MOV10L1: variants seen among roughly 807,000 people sequenced by gnomAD.
The protein encoded by MOV10L1 is RNA helicase Mov10l1.
In MOV10L1, 110 loss-of-function variants were observed where a neutral mutation model predicts 143.8. That is an observed-to-expected ratio of 0.76 (90% CI 0.66 to 0.90). The LOEUF is 0.90. MOV10L1 is among the 40% of genes least tolerant of loss of function. The pLI, the probability that MOV10L1 is intolerant of heterozygous loss-of-function variation, is 0.00. For missense variants in MOV10L1, 1,406 were observed against 1,526.8 expected (o/e 0.92, Z 1.32); for synonymous variants, 593 against 581.1 (o/e 1.02, Z -0.29).
At chr22:50,134,887 T>G (rs900541511) in intron 15 of MOV10L1, among the ~76,000 whole-genome samples, 1 of 152,160 alleles carries the variant, frequency 6.6e-6, no homozygotes, top group South Asian at 2.1e-4. Context: ...AAAAATAGAT[T>G]TAGTGTAAAG....
intron 9 of MOV10L1, among the ~76,000 whole-genome samples, chr22:50,118,884 C>T (rs1260753035): frequency 6.6e-6 from 1 of 152,156 alleles, no homozygotes; most frequent in Non-Finnish European, 1.5e-5. Flanking sequence ...TTCTTATCAC[C>T]CATCCTGCAG....
intron 2 of MOV10L1, among the ~76,000 whole-genome samples, chr22:50,098,528 T>G (rs1019750374): frequency 2.6e-5 from 4 of 152,218 alleles, no homozygotes; most frequent in African/African-American, 9.6e-5. Context: ...TTTTTCTTGA[T>G]TTCCTTTTTG....
chr22:50,090,054 G>GCGGCGGTGT lies in MOV10L1; in HGVS notation c.-27_-26insTCGGCGGTG. 1.3e-5 allele frequency: 10 copies of GCGGCGGTGT among 789,082 alleles called. No homozygotes were observed. The highest frequency in any genetic ancestry group is 1.6e-5 in the Non-Finnish European group (10 of 628,740). The allele number at this position is 789,082 out of a possible 1,614,324, so 48.9% of individuals were successfully genotyped here. A position where few individuals can be genotyped will look rare whatever the true frequency, so the allele number is the denominator to read the frequency against. On this transcript the variant is annotated 5_prime_UTR_variant, in exon 1 of 27. Transcript: ENST00000262794. ...GCGCGGGCGCGTGCGGGCGGCGGCA[G>GCGGCGGTGT]CGGCGGTGACGGCAGCCTAGGCCGG...
At chr22:50,121,740 C>T (rs746005533) in intron 10 of MOV10L1, among the ~76,000 whole-genome samples, 9 of 152,176 alleles carry the variant, frequency 5.9e-5, no homozygotes, top group Admixed American at 6.5e-5. Flanking sequence ...CAGCTCCTCC[C>T]TGGGGACCCA....
rs1228731579 is a variant in MOV10L1, at chr22:50,108,729, A to C, written c.628A>C (p.Lys210Gln). 2.5e-6 allele frequency: 4 copies of C among 1,614,230 alleles called. No homozygotes were observed. In the East Asian group the frequency reaches 8.9e-5, roughly 36 times the overall value. The change falls in exon 5 of 27, where the codon AAA (lysine) becomes CAA (glutamine). Residue 210 changes from lysine (K) to glutamine (Q), a missense_variant. Coordinates refer to ENST00000262794, the MANE Select transcript of MOV10L1 (RefSeq NM_018995.3). Reference sequence around the variant, plus strand: ...CATCTTCTTTACCTTGGACTCCTTGAAACTGCCAGATGGGTACACACCCCG... The same window carrying C: ...CATCTTCTTTACCTTGGACTCCTTGCAACTGCCAGATGGGTACACACCCCG... Reference protein sequence around the residue: ...ESIFFTLDSLKLPDGYTPRRG... With the variant: ...ESIFFTLDSLQLPDGYTPRRG...
Position 50,158,044 on chromosome 22 carries a change from C to T in MOV10L1, c.3067-13C>T, listed in dbSNP as rs781058560. 1.8e-5 allele frequency: 29 copies of T among 1,606,922 alleles called. No individual in the cohort carries two copies. The highest frequency in any genetic ancestry group is 2.5e-5 in the Non-Finnish European group (29 of 1,175,728). On this transcript the variant is annotated splice_polypyrimidine_tract_variant and intron_variant, in intron 22 of 26. Transcript: ENST00000262794. The surrounding 1 kb of genome is among the most constrained non-coding windows in gnomAD (Gnocchi z 5.0). ...CATGAAGTAAAGTAGGTTTTCTCTC[C>T]TCATCAACCCAGGGCAGCGAGGCAC...
intron 19 of MOV10L1, among the ~76,000 whole-genome samples, chr22:50,148,158 C>T (rs1002684239): frequency 2.0e-5 from 3 of 152,216 alleles, no homozygotes; most frequent in South Asian, 2.1e-4. Flanking sequence ...GCCCAAGGTG[C>T]GTCCTGTTGA....
chr22:50,143,442 T>A (rs1602314562), intron 17 of MOV10L1: 6 of 556,476 alleles, frequency 1.1e-5, no homozygotes, highest in African/African-American at 5.7e-5. Flanking sequence ...CCTGGTAAAC[T>A]ATTTTATCTG....
At chr22:50,140,615 G>C (rs1416732927) in intron 15 of MOV10L1, among the ~76,000 whole-genome samples, 1 of 152,182 alleles carries the variant, frequency 6.6e-6, no homozygotes, top group East Asian at 1.9e-4. Flanking sequence ...TTACGAGTTT[G>C]TGTTGGGTTG....
chr22:50,160,951 T>C lies in MOV10L1; in HGVS notation c.3463-13T>C, dbSNP rs370783464. ...ACTTGCTCTCACACCAGGCTAATTG[T>C]TATTGCCAACAGGACCCCTGTTTTG... On this transcript the variant is annotated splice_polypyrimidine_tract_variant and intron_variant, in intron 25 of 26. Transcript: ENST00000262794. 1.9e-6 allele frequency: 3 copies of C among 1,613,962 alleles called. No homozygotes were observed. In the African/African-American group the frequency reaches 4.0e-5, roughly 22 times the overall value.
At chr22:50,144,651 G>T (rs887102171) in intron 18 of MOV10L1, among the ~76,000 whole-genome samples, 3 of 151,450 alleles carry the variant, frequency 2.0e-5, no homozygotes, top group Non-Finnish European at 2.9e-5. Flanking sequence ...GCATGATCTC[G>T]GCTCACTGCA....
chr22:50,117,891 CTTCACATCCACG>C (rs970920068), intron 9 of MOV10L1, among the ~76,000 whole-genome samples: 14 of 152,278 alleles, frequency 9.2e-5, no homozygotes, highest in Admixed American at 9.1e-4. Flanking sequence ...CAGGAAAGCA[CTTCACATCCACG>C]TGTTCTCTTC....
intron 15 of MOV10L1, among the ~76,000 whole-genome samples, chr22:50,137,822 T>C (rs934120296): frequency 1.0e-5 from 1 of 100,162 alleles, no homozygotes; most frequent in Non-Finnish European, 2.2e-5. Context: ...CATATATAAA[T>C]ATACATATTT....
At position 50,099,472 on chromosome 22, in the gene MOV10L1, C is replaced by G; in HGVS notation, c.312C>G (p.Asp104Glu). The G allele has an allele frequency of 6.2e-7, 1 of 1,614,028 alleles. No individual in the cohort carries two copies. ...AAGCTGTCTCTGATAAGTGGGAAGA[C>G]GACAGCAGAAACCATGGGAGTCCCT... ...RVEAVSDKWE[D>E]DSRNHGSPSD... The change falls in exon 3 of 27, where the codon GAC becomes GAG. Residue 104 changes from aspartate to glutamate, a missense_variant. This residue lies in a region of MOV10L1 where 166 missense variants were observed against 153.9 expected (regional missense o/e 1.08). Transcript: ENST00000262794.
At chr22:50,102,482 G>A (rs184588799) in intron 3 of MOV10L1, among the ~76,000 whole-genome samples, 1 of 152,232 alleles carries the variant, frequency 6.6e-6, no homozygotes, top group Non-Finnish European at 1.5e-5. Flanking sequence ...TTGTGGGAGA[G>A]TCAGAAGATG....
intron 13 of MOV10L1, among the ~76,000 whole-genome samples, chr22:50,129,424 G>A (rs1457809155): frequency 1.3e-5 from 2 of 152,192 alleles, no homozygotes; most frequent in African/African-American, 4.8e-5. Flanking sequence ...CCTAGGAGTC[G>A]AGATTTTCAC....
At chr22:50,155,238 C>A (rs1028089813) in intron 22 of MOV10L1, among the ~76,000 whole-genome samples, 5 of 148,368 alleles carry the variant, frequency 3.4e-5, no homozygotes, top group African/African-American at 1.2e-4. Context: ...ATCTGGTGGT[C>A]ACTTTTTTGG....
rs138868385 is a variant in MOV10L1 at position 50,108,843 on chromosome 22, C to G, written c.742C>G (p.Arg248Gly). ...ACTTTGTATGACCCTAGTGAAGAGG[C>G]GGTAAGAAAATGCTTTTCTGGCCAG... is the stretch of plus-strand genomic sequence containing the variant. ...RALCMTLVKRRDAAPVHEATH... is the reference protein window; with the variant it reads ...RALCMTLVKRGDAAPVHEATH... Residue 248 changes from arginine (R) to glycine (G), a missense_variant and splice_region_variant, in exon 5 of 27, where the codon CGA (arginine) becomes GGA (glycine). Transcript: ENST00000262794. 7.4e-6 allele frequency: 12 copies of G among 1,613,530 alleles called. No individual in the cohort carries two copies. The highest frequency in any genetic ancestry group is 1.0e-5 in the Non-Finnish European group (12 of 1,179,714).
chr22:50,113,998 A>C (rs567236929), intron 6 of MOV10L1, among the ~76,000 whole-genome samples: 5 of 145,108 alleles, frequency 3.4e-5, no homozygotes, highest in Admixed American at 2.2e-4. Context: ...AGCTCACTGC[A>C]AGCTCCGCCT....
Sources: allele counts gnomAD v4.1 joint callset (sites outside exome capture counted in the v4.1 genomes callset), GRCh38; gene constraint gnomAD v4.1.1; regional missense constraint gnomAD v4.1.1; non-coding constraint Gnocchi (gnomAD v3.1); transcripts MANE v1.5; gene names NCBI Gene and HGNC (gene_info 2026-07-23, HGNC 2026-07-21).